Variants in DLG2 observed in about 807,000 individuals in gnomAD.
DLG2 encodes disks large homolog 2.
Under a neutral mutation model 132.5 loss-of-function variants are expected in DLG2, and 45 were observed. That is an observed-to-expected ratio of 0.34 (90% CI 0.27 to 0.44). DLG2 has a LOEUF of 0.44. Among genes scored for constraint, DLG2 ranks in the 20% least tolerant of loss-of-function variants. The pLI, the probability that DLG2 is intolerant of heterozygous loss-of-function variation, is 1.00. For synonymous variants in DLG2, 424 were observed against 419.6 expected, an observed-to-expected ratio of 1.01 and a Z score of -0.13; for missense variants, 1,045 against 1,196.9, an observed-to-expected ratio of 0.87 and a Z score of 1.87.
chr11:84,805,278 T>C (rs892050675), intron 6 of DLG2, among the ~76,000 whole-genome samples: 1 of 152,072 alleles, frequency 6.6e-6, no homozygotes, highest in Non-Finnish European at 1.5e-5. Flanking sequence ...TTATCCCCAT[T>C]TGACAGTGAT....
chr11:84,600,164 GAAAGAAAGAAA>G (rs2099572713), intron 6 of DLG2, among the ~76,000 whole-genome samples: 8 of 74,502 alleles, frequency 1.1e-4, no homozygotes, highest in Non-Finnish European at 2.0e-4. Context: ...AAGAAGGAAA[GAAAGAAAGAAA>G]GAAAGAAAGA....
intron 9 of DLG2, among the ~76,000 whole-genome samples, chr11:84,104,469 T>C (rs1015156960): frequency 6.6e-6 from 1 of 152,098 alleles, no homozygotes; most frequent in Non-Finnish European, 1.5e-5. Flanking sequence ...ACCTATCTGG[T>C]ACTATGCTCA....
chr11:83,735,312 T>C (rs1345694621), intron 18 of DLG2, among the ~76,000 whole-genome samples: 1 of 152,170 alleles, frequency 6.6e-6, no homozygotes, highest in Non-Finnish European at 1.5e-5. Context: ...TAAAATTGAT[T>C]AAGGATTTAA....
chr11:84,577,442 A>C (rs1310280246), intron 6 of DLG2, among the ~76,000 whole-genome samples: 1 of 152,194 alleles, frequency 6.6e-6, no homozygotes, highest in Non-Finnish European at 1.5e-5. Context: ...TATATGGACA[A>C]TAAGGTCCAG....
intron 17 of DLG2, chr11:83,790,409 G>T: frequency 9.8e-7 from 1 of 1,016,256 alleles, no homozygotes. Flanking sequence ...CTCCCAACAT[G>T]TGATTGGTCC....
rs76514019 is a variant in DLG2, at chr11:85,298,372, C to G, written c.41-13007G>C. Among the ~76,000 whole-genome samples the G allele has an allele frequency of 6.6e-3, 1,006 of 152,082 alleles. 61 individuals are homozygous for G. The East Asian group carries it at 0.14, about 22-fold the overall frequency. ...TGAAAATAACTTCACAGTGGGGAAG[C>G]CTGGAAAACACAACTTCAATTGTGT... On this transcript the variant is annotated intron_variant, in intron 3 of 27. Transcript: ENST00000376104.
At chr11:85,410,487 C>T (rs2089214026) in intron 3 of DLG2, among the ~76,000 whole-genome samples, 1 of 151,610 alleles carries the variant, frequency 6.6e-6, no homozygotes, top group Non-Finnish European at 1.5e-5. Context: ...TAATTATTTT[C>T]TTATAATTAA....
At chr11:84,059,628 A>G (rs1003773184) in intron 10 of DLG2, 144 bp from the exon 11 acceptor site, 3 of 700,718 alleles carry the variant, frequency 4.3e-6, no homozygotes, top group Non-Finnish European at 6.7e-6. Context: ...GGATGCTTCA[A>G]ATGAAGGAAA....
chr11:84,949,771 C>A (rs1032540751), intron 6 of DLG2, among the ~76,000 whole-genome samples: 1 of 152,150 alleles, frequency 6.6e-6, no homozygotes, highest in Non-Finnish European at 1.5e-5. Context: ...CTCAAACACA[C>A]ATGCTGTACA....
intron 4 of DLG2, among the ~76,000 whole-genome samples, chr11:85,228,871 T>A (rs962610096): frequency 1.3e-5 from 2 of 151,580 alleles, no homozygotes. Flanking sequence ...TTTTGCCATT[T>A]GTTTTCATTT....
At chr11:85,504,919 A>C (rs538888109) in intron 3 of DLG2, among the ~76,000 whole-genome samples, 49 of 152,108 alleles carry the variant, frequency 3.2e-4, no homozygotes, top group African/African-American at 1.2e-3. Flanking sequence ...CCTTGAAGAG[A>C]TCCTTCACAT....
intron 6 of DLG2, among the ~76,000 whole-genome samples, chr11:84,758,369 C>G (rs2067169963): frequency 6.6e-6 from 1 of 152,188 alleles, no homozygotes. Flanking sequence ...CTGAGACAAA[C>G]TATTTGCCCT....
At chr11:84,289,063 A>G (rs559192052) in intron 7 of DLG2, among the ~76,000 whole-genome samples, 2 of 152,262 alleles carry the variant, frequency 1.3e-5, no homozygotes, top group South Asian at 2.1e-4. Flanking sequence ...AATTTCATTT[A>G]AAAACATTTC....
intron 10 of DLG2, among the ~76,000 whole-genome samples, chr11:84,078,634 T>G (rs1180770726): frequency 6.6e-6 from 1 of 152,250 alleles, no homozygotes; most frequent in Non-Finnish European, 1.5e-5. Context: ...ATTGAAGATC[T>G]GGATATTAAG....
chr11:85,584,718 T>C (rs1165419741), intron 3 of DLG2, among the ~76,000 whole-genome samples: 2 of 152,188 alleles, frequency 1.3e-5, no homozygotes, highest in Non-Finnish European at 2.9e-5. Context: ...TGGTATCTCA[T>C]TGTGGTTTTG....
chr11:84,606,027 A>T (rs1298158797), intron 6 of DLG2, among the ~76,000 whole-genome samples: 1 of 152,066 alleles, frequency 6.6e-6, no homozygotes, highest in Non-Finnish European at 1.5e-5. Flanking sequence ...ATCACATTCT[A>T]CTTTTCTTTG....
At chr11:85,611,024 A>G (rs2153272896) in intron 2 of DLG2, among the ~76,000 whole-genome samples, 1 of 152,344 alleles carries the variant, frequency 6.6e-6, no homozygotes, top group South Asian at 2.1e-4. Context: ...AGCGGGCCCT[A>G]GTACAACTCC....
chr11:84,750,638 T>C (rs1597289301), intron 6 of DLG2, among the ~76,000 whole-genome samples: 1 of 152,206 alleles, frequency 6.6e-6, no homozygotes, highest in Non-Finnish European at 1.5e-5. Context: ...TGAGAGAGTA[T>C]ACATTTCTGA....
intron 4 of DLG2, among the ~76,000 whole-genome samples, chr11:85,179,318 C>T (rs1440799784): frequency 4.6e-5 from 7 of 151,378 alleles, no homozygotes; most frequent in Non-Finnish European, 8.9e-5. Flanking sequence ...TACTAAAGGA[C>T]GTACTTCAGC....
Sources: allele counts gnomAD v4.1 joint callset (sites outside exome capture counted in the v4.1 genomes callset), GRCh38; gene constraint gnomAD v4.1.1; transcripts MANE v1.5; gene names NCBI Gene and HGNC (gene_info 2026-07-23, HGNC 2026-07-21).